The following AGTPBP1 variants were observed in gnomAD, a reference collection of about 807,000 sequenced individuals.
AGTPBP1 encodes ATP/GTP binding carboxypeptidase 1.
A neutral mutation model predicts 143.9 loss-of-function variants in AGTPBP1; 70 were observed. That is an observed-to-expected ratio of 0.49 (90% confidence interval 0.40 to 0.59). The LOEUF (loss-of-function observed/expected upper bound fraction) is 0.59, where lower values mean the gene tolerates loss of function less well. AGTPBP1 is among the 20% of genes least tolerant of loss of function. The probability of loss-of-function intolerance (pLI) is 0.00; values close to 1 mark genes in which losing one functional copy is unlikely to be tolerated. For missense variants in AGTPBP1, 1,229 were observed against 1,464.5 expected (o/e 0.84, Z 2.62); for synonymous variants, 463 against 500.2 (o/e 0.93, Z 0.99).
chr9:85,768,262 A>T, the AGTPBP1 span, among the ~76,000 whole-genome samples: 4 of 152,350 alleles, frequency 2.6e-5, no homozygotes, highest in South Asian at 8.3e-4. Flanking sequence ...AATTGTCCTC[A>T]GCCACGTATA....
intron 13 of AGTPBP1, among the ~76,000 whole-genome samples, chr9:85,636,447 G>A (rs145894664): frequency 6.6e-6 from 1 of 152,026 alleles, no homozygotes; most frequent in East Asian, 1.9e-4. Context: ...ATTTTTAGTA[G>A]AGACGGGGTT....
intron 2 of AGTPBP1, among the ~76,000 whole-genome samples, chr9:85,708,583 G>T (rs1837167718): frequency 6.6e-6 from 1 of 152,134 alleles, no homozygotes; most frequent in South Asian, 2.1e-4. Flanking sequence ...TTTCACCGAG[G>T]CCGGAGTGCA....
intron 1 of AGTPBP1, among the ~76,000 whole-genome samples, chr9:85,717,108 T>C (rs1353578604): frequency 1.3e-5 from 2 of 152,332 alleles, no homozygotes; most frequent in Admixed American, 6.5e-5. Context: ...CTATTTAATA[T>C]TGCAAACTAC....
At chr9:85,692,894 C>T (rs764427023) in intron 2 of AGTPBP1, 81 bp from the exon 3 acceptor site, 44 of 1,470,834 alleles carry the variant, frequency 3.0e-5, no homozygotes, top group Admixed American at 1.2e-4. Flanking sequence ...GTTTAAAAAA[C>T]AATTCTACTC....
rs540149970 is a variant in AGTPBP1 at position 85,602,242 on chromosome 9, A to T, written c.2336-5793T>A. On this transcript the variant is annotated intron_variant, in intron 17 of 25. Coordinates refer to ENST00000357081, the MANE Select transcript of AGTPBP1 (RefSeq NM_001330701.2). Reference sequence around the variant, plus strand: ...ACAAGAGAACACAGATAAACAATACAAAGAAATCAGAAAAACAATTCAGAT... The same window carrying T: ...ACAAGAGAACACAGATAAACAATACTAAGAAATCAGAAAAACAATTCAGAT... Among the ~76,000 whole-genome samples, 7 of 152,348 alleles carry T rather than the reference A, an allele frequency of 4.6e-5. No individual in the cohort carries two copies. The South Asian group carries it at 1.4e-3, about 32-fold the overall frequency.
intron 17 of AGTPBP1, among the ~76,000 whole-genome samples, chr9:85,618,431 T>A (rs1830718973): frequency 6.6e-6 from 1 of 151,998 alleles, no homozygotes; most frequent in East Asian, 1.9e-4. Flanking sequence ...CAAAAGCAGA[T>A]ACAGTACCAA....
the AGTPBP1 span, chr9:85,786,576 C>A: frequency 6.2e-7 from 1 of 1,613,270 alleles, no homozygotes; most frequent in Non-Finnish European, 8.5e-7. Flanking sequence ...GACTTAAAAA[C>A]TTAGACATTG....
chr9:85,743,849 A>G (rs1287993041), upstream of AGTPBP1, among the ~76,000 whole-genome samples: 2 of 151,148 alleles, frequency 1.3e-5, no homozygotes, highest in Non-Finnish European at 2.9e-5. Flanking sequence ...GTTGGACACC[A>G]TCTCTCCCGA....
chr9:85,764,061 G>T, the AGTPBP1 span, among the ~76,000 whole-genome samples: 1 of 151,912 alleles, frequency 6.6e-6, no homozygotes, highest in Non-Finnish European at 1.5e-5. Context: ...CTAGTAAATT[G>T]TAACATAATT....
chr9:85,589,468 TTA>T, intron 20 of AGTPBP1, 58 bp downstream of exon 20: 1 of 1,536,220 alleles, frequency 6.5e-7, no homozygotes, highest in Non-Finnish European at 8.8e-7. Context: ...TAAAATACGG[TTA>T]AAGCAAATCA....
At chr9:85,736,488 G>A (rs1823784267) in intron 1 of AGTPBP1, among the ~76,000 whole-genome samples, 1 of 152,034 alleles carries the variant, frequency 6.6e-6, no homozygotes, top group Admixed American at 6.6e-5. Context: ...TCATCCTATA[G>A]TGCTAGAGAA....
chr9:85,680,205 T>C (rs1835084658), intron 4 of AGTPBP1, among the ~76,000 whole-genome samples: 1 of 152,242 alleles, frequency 6.6e-6, no homozygotes, highest in Non-Finnish European at 1.5e-5. Context: ...TGATATTTAA[T>C]GGGATAGTCC....
intron 24 of AGTPBP1, among the ~76,000 whole-genome samples, chr9:85,576,341 G>C (rs1234687394): frequency 6.6e-6 from 1 of 152,142 alleles, no homozygotes; most frequent in Non-Finnish European, 1.5e-5. Context: ...TCAGTGACCA[G>C]ACTAAGTGAG....
chr9:85,772,534 T>G, the AGTPBP1 span, among the ~76,000 whole-genome samples: 3 of 152,018 alleles, frequency 2.0e-5, no homozygotes, highest in Non-Finnish European at 2.9e-5. Context: ...ATCACTTGAG[T>G]CCAGGAATTC....
At chr9:85,548,799 T>A (rs10118018) in intron 25 of AGTPBP1, among the ~76,000 whole-genome samples, 9,429 of 151,698 alleles carry the variant, frequency 0.062, 999 homozygotes, top group African/African-American at 0.21. Context: ...CTCAGCCTCC[T>A]GACTAGCTGG....
the AGTPBP1 span, among the ~76,000 whole-genome samples, chr9:85,795,346 G>A: frequency 1.3e-5 from 2 of 152,076 alleles, no homozygotes; most frequent in Non-Finnish European, 2.9e-5. Flanking sequence ...TTATAATGCT[G>A]ACTAATTTAT....
intron 11 of AGTPBP1, among the ~76,000 whole-genome samples, chr9:85,654,569 G>A (rs1245631624): frequency 2.0e-5 from 3 of 152,092 alleles, no homozygotes; most frequent in East Asian, 1.9e-4. Flanking sequence ...TGGGCCGGGT[G>A]TGGTGGCTCA....
the AGTPBP1 span, among the ~76,000 whole-genome samples, chr9:85,756,540 G>T: frequency 3.6e-5 from 4 of 111,584 alleles, no homozygotes; most frequent in Admixed American, 3.4e-4. Context: ...TGGATGGATA[G>T]ATGGATAGAT....
chr9:85,596,674 G>A (rs1829320471), intron 17 of AGTPBP1, among the ~76,000 whole-genome samples: 1 of 152,060 alleles, frequency 6.6e-6, no homozygotes, highest in African/African-American at 2.4e-5. Flanking sequence ...ACTTTAGAGT[G>A]AGAAGTCATT....
Sources: allele counts gnomAD v4.1 joint callset (sites outside exome capture counted in the v4.1 genomes callset), GRCh38; gene constraint gnomAD v4.1.1; transcripts MANE v1.5; gene names NCBI Gene and HGNC (gene_info 2026-07-23, HGNC 2026-07-21).